Variants in DCLK2 observed in about 807,000 individuals in gnomAD.
The protein encoded by DCLK2 is doublecortin like kinase 2, also known as serine/threonine-protein kinase DCLK2.
Under a neutral mutation model 78.4 loss-of-function variants are expected in DCLK2, and 31 were observed. The ratio of observed to expected loss-of-function variants is 0.40; its 90% CI spans 0.30 to 0.53. The LOEUF is 0.53. Ranked by LOEUF, DCLK2 falls within the 20% of genes least tolerant of loss-of-function variation. DCLK2 has a pLI of 0.61. For synonymous variants in DCLK2, 407 were observed against 374.9 expected (o/e 1.09, Z -0.99); for missense variants, 872 against 973.7 (o/e 0.90, Z 1.39).
intron 1 of DCLK2, among the ~76,000 whole-genome samples, chr4:150,083,486 T>C (rs374331477): frequency 4.6e-5 from 7 of 152,226 alleles, no homozygotes; most frequent in African/African-American, 1.7e-4. Context: ...CAAACCTATC[T>C]ACCGCATCTG....
In DCLK2 at chr4:150,203,380, A is replaced by G. The variant is rs114021746; in HGVS notation, c.962-415A>G. On this transcript the variant is annotated intron_variant, in intron 4 of 15. Coordinates refer to ENST00000296550, the MANE Select transcript of DCLK2 (RefSeq NM_001040260.4). ...GCCACACAAACTTCTTGGTTATCCA[A>G]ACTTCTTGGTTATCTTGGTATACAC... Among the ~76,000 whole-genome samples the G allele has an allele frequency of 9.3e-3, 1,420 of 152,258 alleles. 25 individuals are homozygous for G. The highest frequency in any genetic ancestry group is 0.032 in the African/African-American group (1,340 of 41,556).
At chr4:150,102,846 AC>A in intron 2 of DCLK2, 34 bp downstream of exon 2, 7 of 1,545,028 alleles carry the variant, frequency 4.5e-6, no homozygotes, top group Non-Finnish European at 6.1e-6. Context: ...TCTCCATCTG[AC>A]TTTTAAACTC....
chr4:150,170,572 G>A (rs1295908218), intron 2 of DCLK2, among the ~76,000 whole-genome samples: 1 of 152,172 alleles, frequency 6.6e-6, no homozygotes, highest in South Asian at 2.1e-4. Context: ...GAGTAGCGAG[G>A]TTCATAGAAG....
chr4:150,165,765 T>C (rs1736015726), intron 2 of DCLK2, among the ~76,000 whole-genome samples: 1 of 152,178 alleles, frequency 6.6e-6, no homozygotes, highest in African/African-American at 2.4e-5. Flanking sequence ...TTTGAATGTG[T>C]CCCCCAAAAG....
intron 2 of DCLK2, among the ~76,000 whole-genome samples, chr4:150,149,687 A>G (rs938918879): frequency 2.6e-5 from 4 of 152,226 alleles, no homozygotes; most frequent in Non-Finnish European, 4.4e-5. Context: ...AAAAGCTTCT[A>G]TTCTCATGAG....
chr4:150,136,811 G>GTTACAGAGT (rs1202273891), intron 2 of DCLK2, among the ~76,000 whole-genome samples: 3 of 152,080 alleles, frequency 2.0e-5, no homozygotes, highest in Non-Finnish European at 4.4e-5. Flanking sequence ...GTTACAGAGG[G>GTTACAGAGT]TACAGGATTT....
chr4:150,162,944 CT>C (rs1735801379), intron 2 of DCLK2, among the ~76,000 whole-genome samples: 1 of 152,208 alleles, frequency 6.6e-6, no homozygotes, highest in Non-Finnish European at 1.5e-5. Context: ...ATTTAGCTTA[CT>C]ATTTAATATG....
At chr4:150,213,991 A>G (rs1560876017) in intron 5 of DCLK2, among the ~76,000 whole-genome samples, 1 of 152,198 alleles carries the variant, frequency 6.6e-6, no homozygotes, top group Non-Finnish European at 1.5e-5. Context: ...TGATTTCTTC[A>G]CAGGTCAATG....
chr4:150,084,602 G>A, intron 1 of DCLK2, among the ~76,000 whole-genome samples: 1 of 152,204 alleles, frequency 6.6e-6, no homozygotes. Flanking sequence ...GGGAAGGAAA[G>A]GGGATATGTG....
intron 2 of DCLK2, among the ~76,000 whole-genome samples, chr4:150,151,660 C>T (rs945764332): frequency 2.6e-5 from 4 of 152,130 alleles, no homozygotes; most frequent in Non-Finnish European, 5.9e-5. Context: ...TGCGGTGGCT[C>T]ATGCCTGTAA....
chr4:150,124,910 C>T (rs1395934372), intron 2 of DCLK2, among the ~76,000 whole-genome samples: 1 of 151,938 alleles, frequency 6.6e-6, no homozygotes, highest in Non-Finnish European at 1.5e-5. Context: ...GATTTGTGCC[C>T]CCAAGGAGCT....
chr4:150,142,292 C>G (rs953845474), intron 2 of DCLK2, among the ~76,000 whole-genome samples: 2 of 152,170 alleles, frequency 1.3e-5, no homozygotes, highest in African/African-American at 4.8e-5. Flanking sequence ...TAGGTAGTGT[C>G]ATCTGAATTA....
Position 150,102,811 on chromosome 4 carries a change from A to C in DCLK2, c.755A>C (p.Gln252Pro). The change falls in exon 2 of 16, where the codon CAG becomes CCG. Residue 252 changes from glutamine to proline, a missense_variant and splice_region_variant. Coordinates refer to ENST00000296550, the MANE Select transcript of DCLK2 (RefSeq NM_001040260.4). ...AGGCTCTGCACCCTGGATGGAAAGC[A>C]GGTAAGATGCTTCTAGCTCCCAGCT... ...VKRLCTLDGK[Q>P]VTCLQDFFGD... The C allele has an allele frequency of 1.3e-6, 2 of 1,596,358 alleles. No individual in the cohort carries two copies. The highest frequency in any genetic ancestry group is 1.7e-6 in the Non-Finnish European group (2 of 1,171,994).
At position 150,256,365 on chromosome 4, in the gene DCLK2, G is replaced by A. The variant is rs968293394; in HGVS notation, c.*118G>A. ...CTTCACCGCCTGCGCCTGAGTTCGC[G>A]GGTCCTCCGCAGGCCGCCTGGGAAC... On this transcript the variant is annotated 3_prime_UTR_variant, in exon 16 of 16. Coordinates refer to ENST00000296550, the MANE Select transcript of DCLK2 (RefSeq NM_001040260.4). The A allele has an allele frequency of 6.6e-6, 9 of 1,368,676 alleles. No individual in the cohort carries two copies. The highest frequency in any genetic ancestry group is 2.6e-5 in the East Asian group (1 of 38,994). The allele number at this position is 1,368,676 out of a possible 1,614,324, so 84.8% of individuals were successfully genotyped here.
At chr4:150,219,529 G>A (rs1041637221) in intron 5 of DCLK2, among the ~76,000 whole-genome samples, 2 of 152,026 alleles carry the variant, frequency 1.3e-5, no homozygotes, top group Non-Finnish European at 2.9e-5. Context: ...CCAAAGTGCT[G>A]GGATTATAGG....
At chr4:150,200,644 T>C (rs1739383309) in intron 4 of DCLK2, among the ~76,000 whole-genome samples, 1 of 152,190 alleles carries the variant, frequency 6.6e-6, no homozygotes, top group Non-Finnish European at 1.5e-5. Flanking sequence ...ATGGGACTAA[T>C]TGGAACTCAA....
intron 5 of DCLK2, among the ~76,000 whole-genome samples, chr4:150,215,204 T>C (rs990356406): frequency 2.0e-5 from 3 of 152,192 alleles, no homozygotes; most frequent in Non-Finnish European, 4.4e-5. Flanking sequence ...AAGAAGACTT[T>C]TGTGACCAAA....
At chr4:150,234,929 A>G (rs1198189036) in intron 10 of DCLK2, among the ~76,000 whole-genome samples, 2 of 152,128 alleles carry the variant, frequency 1.3e-5, no homozygotes, top group Admixed American at 6.5e-5. Context: ...CGTCGAACTG[A>G]GTTTGGCCCG....
intron 2 of DCLK2, among the ~76,000 whole-genome samples, chr4:150,175,984 A>G (rs544949029): frequency 6.6e-6 from 1 of 152,290 alleles, no homozygotes; most frequent in East Asian, 1.9e-4. Flanking sequence ...GTATCTTTAA[A>G]TCGTGTAAGT....
Sources: gnomAD v4.1 joint callset for allele counts (sites outside exome capture counted in the v4.1 genomes callset) on GRCh38, gnomAD v4.1.1 for gene constraint, MANE v1.5 for transcripts, NCBI Gene and HGNC (gene_info 2026-07-23, HGNC 2026-07-21) for gene names.